Variants in BOC observed in about 807,000 individuals in gnomAD.
The protein encoded by BOC is brother of CDO.
Under a neutral mutation model 112.0 loss-of-function variants are expected in BOC, and 76 were observed. That is an observed-to-expected ratio of 0.68 (90% CI 0.56 to 0.82). The LOEUF (loss-of-function observed/expected upper bound fraction) is 0.82, where lower values mean the gene tolerates loss of function less well. BOC is among the 40% of genes least tolerant of loss of function. The pLI is 0.00. For missense variants in BOC, 1,309 were observed against 1,511.7 expected, an observed-to-expected ratio of 0.87 and a Z score of 2.22; for synonymous variants, 580 against 599.8, an observed-to-expected ratio of 0.97 and a Z score of 0.48.
chr3:113,222,276 G>T (rs1177742445), intron 2 of BOC, among the ~76,000 whole-genome samples: 1 of 152,064 alleles, frequency 6.6e-6, no homozygotes, highest in African/African-American at 2.4e-5. Flanking sequence ...GGTAAGTGGT[G>T]CTCACATTTT....
At chr3:113,220,338 G>A (rs564358173) in intron 2 of BOC, among the ~76,000 whole-genome samples, 1 of 152,254 alleles carries the variant, frequency 6.6e-6, no homozygotes, top group East Asian at 1.9e-4. Context: ...AAAACCTGAA[G>A]CCACGGTTTT....
intron 2 of BOC, among the ~76,000 whole-genome samples, chr3:113,245,888 C>T (rs916867930): frequency 1.3e-5 from 2 of 152,190 alleles, no homozygotes; most frequent in Non-Finnish European, 2.9e-5. Flanking sequence ...CTGACAGCTG[C>T]CGTGGCATGG....
intron 4 of BOC, among the ~76,000 whole-genome samples, chr3:113,262,294 A>G (rs1480911687): frequency 6.6e-6 from 1 of 152,250 alleles, no homozygotes; most frequent in Non-Finnish European, 1.5e-5. Context: ...GGTGAGGACT[A>G]CGCTGGAGAA....
chr3:113,215,511 TC>T (rs1378154891), intron 1 of BOC, among the ~76,000 whole-genome samples: 2 of 152,174 alleles, frequency 1.3e-5, no homozygotes, highest in Admixed American at 1.3e-4. Context: ...GCCTGCTCTT[TC>T]CTGCCCTTCC....
intron 2 of BOC, among the ~76,000 whole-genome samples, chr3:113,247,526 G>T (rs1007640874): frequency 7.2e-6 from 1 of 138,606 alleles, no homozygotes; most frequent in African/African-American, 2.8e-5. Context: ...AAGGGAAAAA[G>T]GCTACTATTG....
intron 15 of BOC, among the ~76,000 whole-genome samples, chr3:113,283,002 T>C (rs777411527): frequency 6.6e-6 from 1 of 152,166 alleles, no homozygotes; most frequent in Non-Finnish European, 1.5e-5. Flanking sequence ...CACGTCTCAG[T>C]CCACCAGCAG....
At chr3:113,279,059 G>A (rs1030274741) in intron 11 of BOC, among the ~76,000 whole-genome samples, 190 bp from the exon 12 acceptor site, 2 of 152,308 alleles carry the variant, frequency 1.3e-5, no homozygotes, top group East Asian at 3.9e-4. Context: ...TAGCATAAGG[G>A]GTCTTAGCTC....
chr3:113,213,653 G>A (rs1306628138), intron 1 of BOC, among the ~76,000 whole-genome samples: 1 of 152,170 alleles, frequency 6.6e-6, no homozygotes, highest in Non-Finnish European at 1.5e-5. Context: ...AGGTTTCCCA[G>A]AAACATTTCT....
At chr3:113,280,072 TG>T in intron 13 of BOC, 67 bp downstream of exon 13, 1 of 1,483,374 alleles carries the variant, frequency 6.7e-7, no homozygotes. Context: ...CCTGTGAGCC[TG>T]GGGATTAGAC....
chr3:113,214,115 A>G (rs551604182), intron 1 of BOC, among the ~76,000 whole-genome samples: 2 of 152,350 alleles, frequency 1.3e-5, no homozygotes, highest in East Asian at 3.8e-4. Flanking sequence ...AGAATGGTTG[A>G]TTCTTTGACT....
chr3:113,237,683 C>T (rs937807358), intron 2 of BOC, among the ~76,000 whole-genome samples: 2 of 152,220 alleles, frequency 1.3e-5, no homozygotes, highest in African/African-American at 4.8e-5. Context: ...TCCAGGATTG[C>T]CCACACTGAC....
chr3:113,263,448 A>C (rs1947114535), intron 4 of BOC, among the ~76,000 whole-genome samples: 2 of 152,218 alleles, frequency 1.3e-5, no homozygotes, highest in South Asian at 4.1e-4. Context: ...CATCCAGCGG[A>C]TGGTGGCGTC....
At chr3:113,237,171 T>TA in intron 2 of BOC, among the ~76,000 whole-genome samples, 1 of 152,206 alleles carries the variant, frequency 6.6e-6, no homozygotes, top group South Asian at 2.1e-4. Flanking sequence ...TGATAACATA[T>TA]AAAATGGAGC....
chr3:113,270,723 C>T, intron 5 of BOC, 78 bp from the exon 6 acceptor site: 3 of 1,504,378 alleles, frequency 2.0e-6, no homozygotes, highest in African/African-American at 1.4e-5. Context: ...TCCCTCCGTG[C>T]ACCTCTCCTT....
intron 13 of BOC, among the ~76,000 whole-genome samples, chr3:113,280,255 C>T (rs1421629235): frequency 1.3e-5 from 2 of 151,682 alleles, no homozygotes; most frequent in Non-Finnish European, 2.9e-5. Context: ...CTGTTCAGGG[C>T]CCCTTCTCAG....
intron 4 of BOC, among the ~76,000 whole-genome samples, chr3:113,256,572 T>C (rs1031260373): frequency 3.3e-5 from 5 of 152,150 alleles, no homozygotes; most frequent in Non-Finnish European, 7.4e-5. Flanking sequence ...GTCTCTTTGC[T>C]CAGCTCCCCT....
At chr3:113,262,638 T>C (rs1198483734) in intron 4 of BOC, among the ~76,000 whole-genome samples, 1 of 152,208 alleles carries the variant, frequency 6.6e-6, no homozygotes, top group Non-Finnish European at 1.5e-5. Context: ...TCTGACCTCA[T>C]GAGAGCACAA....
chr3:113,248,282 C>T (rs1380984826), intron 2 of BOC, among the ~76,000 whole-genome samples: 3 of 152,228 alleles, frequency 2.0e-5, no homozygotes, highest in Non-Finnish European at 4.4e-5. Flanking sequence ...TCAGGCAAGT[C>T]GGGTGTCTCC....
rs778807155 is a variant in BOC, at chr3:113,285,374, G to A, written c.2969G>A (p.Gly990Asp). Residue 990 changes from glycine (G) to aspartate (D), a missense_variant and splice_region_variant, in exon 19 of 20, where the codon GGT becomes GAT. Gly to Asp is a moderately conservative substitution (Grantham distance 94). Transcript: ENST00000682979. ...CCATCTGGGCTTGTGCACTGCAGGG[G>A]TCCCAAGTCTAGCCCGGACGAGGGC... ...YDPQSHQITRGPKSSPDEGSF... is the reference protein window; with the variant it reads ...YDPQSHQITRDPKSSPDEGSF... The A allele has an allele frequency of 6.4e-5, 104 of 1,612,554 alleles. 1 individual carries two copies. The South Asian group carries it at 1.1e-3, about 18-fold the overall frequency.
Sources: gnomAD v4.1 joint callset for allele counts (sites outside exome capture counted in the v4.1 genomes callset) on GRCh38, gnomAD v4.1.1 for gene constraint, MANE v1.5 for transcripts, NCBI Gene and HGNC (gene_info 2026-07-23, HGNC 2026-07-21) for gene names.